Variants in TP63 observed in about 807,000 individuals in gnomAD.
TP63 encodes the protein tumor protein p63.
In TP63, 17 loss-of-function variants were observed where a neutral mutation model predicts 82.8. The observed-to-expected ratio is 0.21, with a 90% CI of 0.14 to 0.31. TP63 has a LOEUF of 0.31. Ranked by LOEUF, TP63 falls within the 10% of genes least tolerant of loss-of-function variation. The probability of loss-of-function intolerance (pLI) is 1.00; values close to 1 mark genes in which losing one functional copy is unlikely to be tolerated. For synonymous variants in TP63, 330 were observed against 321.7 expected (o/e 1.03, Z -0.28); for missense variants, 648 against 895.3 (o/e 0.72, Z 3.52).
the TP63 span, among the ~76,000 whole-genome samples, chr3:189,600,708 C>T: frequency 6.6e-6 from 1 of 152,146 alleles, no homozygotes; most frequent in Non-Finnish European, 1.5e-5. Flanking sequence ...CTCCTTACTA[C>T]CAGGCCAGTA....
At chr3:189,769,165 T>G (rs1723158023) in intron 3 of TP63, among the ~76,000 whole-genome samples, 1 of 152,176 alleles carries the variant, frequency 6.6e-6, no homozygotes, top group African/African-American at 2.4e-5. Context: ...TAACAAATGG[T>G]CACTGTTGTC....
chr3:189,685,853 G>A (rs889456132), intron 1 of TP63, among the ~76,000 whole-genome samples: 3 of 152,056 alleles, frequency 2.0e-5, no homozygotes, highest in Non-Finnish European at 2.9e-5. Flanking sequence ...CAACAACTCC[G>A]AGACAATATG....
intron 1 of TP63, among the ~76,000 whole-genome samples, chr3:189,733,703 T>A (rs1720338988): frequency 6.6e-6 from 1 of 152,246 alleles, no homozygotes; most frequent in Non-Finnish European, 1.5e-5. Flanking sequence ...AAGACAAATT[T>A]TAGTGTAAAT....
chr3:189,631,842 A>G (rs1237177423), intron 1 of TP63, among the ~76,000 whole-genome samples: 1 of 152,170 alleles, frequency 6.6e-6, no homozygotes, highest in African/African-American at 2.4e-5. Flanking sequence ...AGAATGTTTA[A>G]AATATATTAT....
chr3:189,627,710 CAG>C (rs1422783857), upstream of TP63, among the ~76,000 whole-genome samples: 1 of 151,978 alleles, frequency 6.6e-6, no homozygotes, highest in Admixed American at 6.6e-5. Flanking sequence ...AAAAGCAAGT[CAG>C]TGATTGTCTA....
At chr3:189,631,654 A>C (rs1475548357) in intron 1 of TP63, 77 bp downstream of exon 1, 2 of 1,608,316 alleles carry the variant, frequency 1.2e-6, no homozygotes, top group African/African-American at 2.7e-5. Context: ...TCAGCTGTGT[A>C]CAAAGAACAA....
intron 3 of TP63, among the ~76,000 whole-genome samples, chr3:189,794,653 G>A (rs1725509763): frequency 6.6e-6 from 1 of 152,024 alleles, no homozygotes; most frequent in Non-Finnish European, 1.5e-5. Flanking sequence ...GTGGCTCAGA[G>A]ATGACCATAA....
chr3:189,628,719 C>A (rs545938862), upstream of TP63, among the ~76,000 whole-genome samples: 2 of 152,206 alleles, frequency 1.3e-5, no homozygotes, highest in African/African-American at 4.8e-5. Context: ...ATAATTCATG[C>A]ATTTGTATAG....
At chr3:189,617,814 T>C in the TP63 span, among the ~76,000 whole-genome samples, 1 of 152,196 alleles carries the variant, frequency 6.6e-6, no homozygotes, top group Non-Finnish European at 1.5e-5. Flanking sequence ...CTGCCAAGTA[T>C]GTCATTTCCA....
intron 3 of TP63, among the ~76,000 whole-genome samples, chr3:189,742,543 T>G (rs1270181942): frequency 6.6e-6 from 1 of 152,214 alleles, no homozygotes; most frequent in Admixed American, 6.5e-5. Flanking sequence ...CAGATATATG[T>G]GAAGAGGCTT....
At position 189,680,787 on chromosome 3, in the gene TP63, C is replaced by T. The variant is rs180748947; in HGVS notation, c.62+49210C>T. Among the ~76,000 whole-genome samples, 247 of 152,266 alleles carry T rather than the reference C, an allele frequency of 1.6e-3. 1 individual carries two copies. The highest frequency in any genetic ancestry group is 5.4e-4 in the Non-Finnish European group (37 of 68,018). On this transcript the variant is annotated intron_variant, in intron 1 of 13. Coordinates refer to ENST00000264731, the MANE Select transcript of TP63 (RefSeq NM_003722.5). ...GACCTGGAGCCTGTGTCTATGGAGG[C>T]TGTCCTGAAGCCTAGGTACAAGGGG...
chr3:189,638,759 A>G (rs1390790215), intron 1 of TP63, among the ~76,000 whole-genome samples: 1 of 152,120 alleles, frequency 6.6e-6, no homozygotes, highest in Non-Finnish European at 1.5e-5. Context: ...GTTCTCAGTT[A>G]ATTTGGGTTT....
intron 4 of TP63, among the ~76,000 whole-genome samples, chr3:189,817,283 T>C (rs1334610073): frequency 6.6e-6 from 1 of 152,174 alleles, no homozygotes; most frequent in Non-Finnish European, 1.5e-5. Flanking sequence ...CCAAGTTGTA[T>C]TAAATAAGAA....
Position 189,672,704 on chromosome 3 carries a change from GGAAA to G in TP63, c.62+41131_62+41134del, listed in dbSNP as rs879421732. 4.8e-3 allele frequency among the ~76,000 whole-genome samples: 708 copies of G among 146,764 alleles called. 2 individuals carry two copies. Among genetic ancestry groups the G allele is most frequent in the Middle Eastern group, 0.011 (3 of 284 alleles). On this transcript the variant is annotated intron_variant, in intron 1 of 13. Transcript: ENST00000264731. ...AGGAAGGAAGGAAGGAAGGAAGGAA[GGAAA>G]GAAGGAAGGCAGGCAGGCAGGTAAA...
At chr3:189,639,638 T>C (rs1216149512) in intron 1 of TP63, among the ~76,000 whole-genome samples, 1 of 152,104 alleles carries the variant, frequency 6.6e-6, no homozygotes, top group Non-Finnish European at 1.5e-5. Context: ...TCAAATTCCA[T>C]TAACTCAGGC....
chr3:189,814,618 A>G (rs778290259), intron 4 of TP63, among the ~76,000 whole-genome samples: 8 of 152,364 alleles, frequency 5.3e-5, no homozygotes, highest in Middle Eastern at 6.8e-3. Flanking sequence ...TTCACAGAGT[A>G]TTGAGGAAGA....
the TP63 span, among the ~76,000 whole-genome samples, chr3:189,598,856 G>C: frequency 6.6e-6 from 1 of 152,178 alleles, no homozygotes; most frequent in Non-Finnish European, 1.5e-5. Context: ...GAGTTTCTTG[G>C]ATCTATGGGC....
At chr3:189,795,745 T>G (rs1191948287) in intron 3 of TP63, among the ~76,000 whole-genome samples, 1 of 152,086 alleles carries the variant, frequency 6.6e-6, no homozygotes, top group Non-Finnish European at 1.5e-5. Flanking sequence ...AACCTATATG[T>G]GTTTTAAAAG....
Position 189,886,375 on chromosome 3 carries a change from T to A in TP63, c.1350-19T>A. 6.2e-7 allele frequency: 1 copy of A among 1,613,452 alleles called. No homozygotes were observed. The highest frequency in any genetic ancestry group is 8.5e-7 in the Non-Finnish European group (1 of 1,179,662). ...TCAGTGTCCCTTGCTCACCATTATT[T>A]CCATGTTTGTCTTCCTAGGACCTCA... On this transcript the variant is annotated intron_variant, in intron 10 of 13. Coordinates refer to ENST00000264731, the MANE Select transcript of TP63 (RefSeq NM_003722.5).
Sources: gnomAD v4.1 joint callset for allele counts (sites outside exome capture counted in the v4.1 genomes callset) on GRCh38, gnomAD v4.1.1 for gene constraint, MANE v1.5 for transcripts, NCBI Gene and HGNC (gene_info 2026-07-23, HGNC 2026-07-21) for gene names.